Variants in CSMD1 observed in about 807,000 individuals in gnomAD.
CSMD1 encodes the protein CUB and Sushi multiple domains 1, also known as CUB and sushi domain-containing protein 1.
A neutral mutation model predicts 417.5 loss-of-function variants in CSMD1; 213 were observed. The observed-to-expected ratio is 0.51, with a 90% CI of 0.46 to 0.57. The LOEUF is 0.57. CSMD1 is among the 20% of genes least tolerant of loss of function. The pLI, the probability that CSMD1 is intolerant of heterozygous loss-of-function variation, is 0.00. For synonymous variants in CSMD1, 2,862 were observed against 1,736.8 expected, an observed-to-expected ratio of 1.65 and a Z score of -16.11; for missense variants, 6,923 against 4,529.7, an observed-to-expected ratio of 1.53 and a Z score of -15.17.
At chr8:3,225,555 G>A (rs188212098) in intron 27 of CSMD1, among the ~76,000 whole-genome samples, 25 of 152,256 alleles carry the variant, frequency 1.6e-4, no homozygotes, top group African/African-American at 4.8e-4. Context: ...GAAGGTACCT[G>A]AAGGTCTAGA....
At chr8:4,578,543 G>T (rs1799249647) in intron 2 of CSMD1, among the ~76,000 whole-genome samples, 1 of 151,372 alleles carries the variant, frequency 6.6e-6, no homozygotes, top group Non-Finnish European at 1.5e-5. Flanking sequence ...TTGGCTGGGT[G>T]CAATGCTTCA....
In CSMD1 at chr8:4,668,082, T is replaced by G. The variant is rs560331211; in HGVS notation, c.86-30524A>C. Among the ~76,000 whole-genome samples the G allele has an allele frequency of 2.0e-5, 3 of 152,350 alleles. No homozygotes were observed. The South Asian group carries it at 6.2e-4, about 32-fold the overall frequency. On this transcript the variant is annotated intron_variant, in intron 1 of 69. Transcript: ENST00000635120. ...TAACACGTATTAATTTGACCTAATC[T>G]TATTCTACCTTGCACGTGTAGCTTT...
intron 3 of CSMD1, among the ~76,000 whole-genome samples, chr8:4,325,652 A>T (rs1444129597): frequency 6.6e-6 from 1 of 152,144 alleles, no homozygotes; most frequent in African/African-American, 2.4e-5. Flanking sequence ...CAAATTACAC[A>T]ACAACCATCA....
chr8:4,596,730 G>T (rs1311534450), intron 2 of CSMD1, among the ~76,000 whole-genome samples: 1 of 152,094 alleles, frequency 6.6e-6, no homozygotes, highest in Non-Finnish European at 1.5e-5. Flanking sequence ...GGAACAATAA[G>T]GAACAAACGA....
chr8:4,400,303 C>T (rs368211118), intron 3 of CSMD1, among the ~76,000 whole-genome samples: 5 of 152,154 alleles, frequency 3.3e-5, no homozygotes, highest in Non-Finnish European at 5.9e-5. Flanking sequence ...AATGGGATTT[C>T]GCAGTTCCTG....
intron 1 of CSMD1, among the ~76,000 whole-genome samples, chr8:4,888,762 T>A (rs1484827121): frequency 6.6e-6 from 1 of 151,946 alleles, no homozygotes; most frequent in Non-Finnish European, 1.5e-5. Flanking sequence ...GGCTAAAAAG[T>A]AAGAACATTT....
chr8:3,126,861 A>G (rs143230929), intron 41 of CSMD1, among the ~76,000 whole-genome samples: 6 of 152,256 alleles, frequency 3.9e-5, no homozygotes, highest in Middle Eastern at 3.4e-3. Flanking sequence ...TGCACATGAA[A>G]CGTGCTCCCT....
At chr8:3,688,686 C>T (rs1800072614) in intron 7 of CSMD1, among the ~76,000 whole-genome samples, 2 of 152,140 alleles carry the variant, frequency 1.3e-5, no homozygotes, top group South Asian at 4.1e-4. Context: ...TGCAATATTT[C>T]TGTAGGGCAC....
At chr8:3,909,896 G>C (rs895911552) in intron 5 of CSMD1, among the ~76,000 whole-genome samples, 2 of 152,128 alleles carry the variant, frequency 1.3e-5, no homozygotes, top group African/African-American at 2.4e-5. Context: ...AAAAGACTAA[G>C]CCCTGTATTA....
At chr8:3,607,956 G>A (rs1192696227) in intron 8 of CSMD1, among the ~76,000 whole-genome samples, 1 of 152,098 alleles carries the variant, frequency 6.6e-6, no homozygotes, top group Non-Finnish European at 1.5e-5. Flanking sequence ...GATCACTTGA[G>A]GTCAGGAGTT....
intron 1 of CSMD1, among the ~76,000 whole-genome samples, chr8:4,651,536 T>C (rs1446019775): frequency 1.3e-5 from 2 of 152,160 alleles, no homozygotes. Flanking sequence ...GTTTCTCTAA[T>C]CAGAGTCATA....
At chr8:4,832,446 G>C (rs1384870422) in intron 1 of CSMD1, among the ~76,000 whole-genome samples, 2 of 152,176 alleles carry the variant, frequency 1.3e-5, no homozygotes, top group African/African-American at 2.4e-5. Flanking sequence ...AAGAGGCGCT[G>C]TGGCCAGGGA....
At chr8:4,514,327 C>G (rs935839978) in intron 2 of CSMD1, among the ~76,000 whole-genome samples, 1 of 152,124 alleles carries the variant, frequency 6.6e-6, no homozygotes, top group Non-Finnish European at 1.5e-5. Flanking sequence ...TTTAGAGACC[C>G]TCTCTCCATA....
At chr8:3,354,446 C>G (rs1808608299) in intron 21 of CSMD1, among the ~76,000 whole-genome samples, 1 of 120,190 alleles carries the variant, frequency 8.3e-6, no homozygotes. Context: ...GAAAACAGCT[C>G]AACTAAGAAA....
chr8:4,372,317 C>A (rs1802444275), intron 3 of CSMD1, among the ~76,000 whole-genome samples: 2 of 152,090 alleles, frequency 1.3e-5, no homozygotes, highest in African/African-American at 4.8e-5. Flanking sequence ...TGAGAACAGA[C>A]TGTGGTAGCA....
intron 2 of CSMD1, among the ~76,000 whole-genome samples, chr8:4,574,243 C>T (rs1351601913): frequency 6.6e-6 from 1 of 152,136 alleles, no homozygotes; most frequent in Non-Finnish European, 1.5e-5. Context: ...AACCCAGGGC[C>T]CTGGTGGTGT....
rs1277197143 is a variant in CSMD1, at chr8:3,594,855, GCT to G, written c.1098-8597_1098-8596del. Among the ~76,000 whole-genome samples the G allele has an allele frequency of 2.1e-4, 32 of 152,268 alleles. No individual in the cohort carries two copies. The East Asian group carries it at 5.6e-3, about 27-fold the overall frequency. Reference sequence around the variant, plus strand: ...GAAATCTCTCACAGCTTCCAGCACTGCTCATGGAGCTTCTGAGAGCCCTGCAA... The same window carrying G: ...GAAATCTCTCACAGCTTCCAGCACTGCATGGAGCTTCTGAGAGCCCTGCAA... On this transcript the variant is annotated intron_variant, in intron 8 of 69. Transcript: ENST00000635120.
intron 3 of CSMD1, among the ~76,000 whole-genome samples, chr8:4,199,024 C>A (rs989073367): frequency 6.6e-6 from 1 of 152,038 alleles, no homozygotes; most frequent in East Asian, 1.9e-4. Flanking sequence ...CTTTCAATCC[C>A]CTATGTACAG....
chr8:3,257,214 C>T (rs938911511), intron 26 of CSMD1, among the ~76,000 whole-genome samples: 2 of 152,198 alleles, frequency 1.3e-5, no homozygotes, highest in Non-Finnish European at 2.9e-5. Flanking sequence ...ATCCCAGCTA[C>T]TCAGGAGGCT....
Sources: allele counts gnomAD v4.1 joint callset (sites outside exome capture counted in the v4.1 genomes callset), GRCh38; gene constraint gnomAD v4.1.1; transcripts MANE v1.5; gene names NCBI Gene and HGNC (gene_info 2026-07-23, HGNC 2026-07-21).